Variants in GNB2 observed in about 807,000 individuals in gnomAD.
GNB2 encodes guanine nucleotide-binding protein G(I)/G(S)/G(T) subunit beta-2.
A neutral mutation model predicts 40.7 loss-of-function variants in GNB2; 7 were observed. The ratio of observed to expected loss-of-function variants is 0.17; its 90% CI spans 0.10 to 0.32. The LOEUF (loss-of-function observed/expected upper bound fraction) is 0.32, where lower values mean the gene tolerates loss of function less well. GNB2 is among the 10% of genes least tolerant of loss of function. The pLI is 1.00. For synonymous variants in GNB2, 254 were observed against 191.2 expected, an observed-to-expected ratio of 1.33 and a Z score of -2.71; for missense variants, 286 against 473.0, an observed-to-expected ratio of 0.60 and a Z score of 3.67.
intron 4 of GNB2, 99 bp from the exon 5 acceptor site, chr7:100,677,253 C>A: frequency 1.1e-6 from 1 of 920,334 alleles, no homozygotes; most frequent in Non-Finnish European, 1.8e-6. Context: ...CTCCAGCCTG[C>A]ACAACAGAGA....
Position 100,678,817 on chromosome 7 carries a change from T to C in GNB2, c.*16T>C, listed in dbSNP as rs1313865051. ...CTGGAACTAATGGCCCCACCCCCACTGGGCCCAGGCCAGGAGGGGCCCTGC... is the reference window on the plus strand; with the variant it reads ...CTGGAACTAATGGCCCCACCCCCACCGGGCCCAGGCCAGGAGGGGCCCTGC... On this transcript the variant is annotated 3_prime_UTR_variant, in exon 10 of 10. Transcript: ENST00000303210. 3 of 1,574,802 alleles carry C rather than the reference T, an allele frequency of 1.9e-6. No individual in the cohort carries two copies. Among genetic ancestry groups the C allele is most frequent in the African/African-American group, 1.3e-5 (1 of 74,252 alleles).
At chr7:100,676,967 G>C in intron 4 of GNB2, 168 bp downstream of exon 4, 1 of 603,390 alleles carries the variant, frequency 1.7e-6, no homozygotes, top group Admixed American at 3.0e-5. Flanking sequence ...GACCATGCTG[G>C]TGAGAACTTG....
chr7:100,678,667 T>C (rs771306949), intron 9 of GNB2, 28 bp from the exon 10 acceptor site: 3 of 1,609,492 alleles, frequency 1.9e-6, no homozygotes, highest in Non-Finnish European at 2.6e-6. Flanking sequence ...CCAGGCCCAA[T>C]GGGTTCTGAC....
Position 100,678,938 on chromosome 7 carries a change from G to C in GNB2, c.*137G>C. ...CTTGGGTCCCTGCCCTCCCACCCAGGTTTGGTTCCTCCCGGGGCCCCCACT... is the reference window on the plus strand; with the variant it reads ...CTTGGGTCCCTGCCCTCCCACCCAGCTTTGGTTCCTCCCGGGGCCCCCACT... On this transcript the variant is annotated 3_prime_UTR_variant, in exon 10 of 10. Coordinates refer to ENST00000303210, the MANE Select transcript of GNB2 (RefSeq NM_005273.4). The C allele has an allele frequency of 1.5e-6, 1 of 670,884 alleles. No individual in the cohort carries two copies. Among genetic ancestry groups the C allele is most frequent in the Non-Finnish European group, 2.6e-6 (1 of 388,246 alleles). 41.6% of individuals were successfully genotyped at this position (670,884 alleles called of 1,614,324 possible).
At chr7:100,677,915 C>CCACCAGGAGAGGGAGGCTACGG in intron 7 of GNB2, 97 bp downstream of exon 7, 1 of 1,163,610 alleles carries the variant, frequency 8.6e-7, no homozygotes, top group Non-Finnish European at 1.3e-6. Flanking sequence ...GCACCGTAGC[C>CCACCAGGAGAGGGAGGCTACGG]TCCCTCTCCT....
At chr7:100,678,658 C>T (rs200568621) in intron 9 of GNB2, 37 bp from the exon 10 acceptor site, 47 of 1,608,260 alleles carry the variant, frequency 2.9e-5, no homozygotes, top group Middle Eastern at 1.6e-4. Flanking sequence ...ACCTGGAGCC[C>T]AGGCCCAATG....
chr7:100,676,809 T>TGC lies in GNB2; in HGVS notation c.203+11_203+12insCG. ...GGGGGACCGACTCAAGGTGTGTGTG[T>TGC]GTGCGCGGGCTGGCGCTGTGGGCCG... On this transcript the variant is annotated intron_variant, in intron 4 of 9. Transcript: ENST00000303210. The TGC allele has an allele frequency of 6.6e-7, 1 of 1,515,324 alleles. No individual in the cohort carries two copies. Among genetic ancestry groups the TGC allele is most frequent in the Non-Finnish European group, 9.0e-7 (1 of 1,111,400 alleles). The allele number at this position is 1,515,324 out of a possible 1,614,324, so 93.9% of individuals were successfully genotyped here.
chr7:100,674,742 G>A (rs982548859), intron 1 of GNB2, among the ~76,000 whole-genome samples: 2 of 152,176 alleles, frequency 1.3e-5, no homozygotes, highest in African/African-American at 2.4e-5. Context: ...GGGCCCTGGG[G>A]GGTGATGGGG....
intron 1 of GNB2, 109 bp from the exon 2 acceptor site, chr7:100,676,068 C>T (rs1171452354): frequency 2.0e-6 from 1 of 502,366 alleles, no homozygotes; most frequent in South Asian, 3.0e-5. Context: ...GCGGCCGCGC[C>T]GCCCCTTCCC....
At chr7:100,676,611 G>A in intron 3 of GNB2, 38 bp downstream of exon 3, 3 of 1,584,560 alleles carry the variant, frequency 1.9e-6, no homozygotes, top group Non-Finnish European at 2.6e-6. Context: ...ACTAGGGGTT[G>A]AAGGGGCAAG....
chr7:100,676,769 T>C lies in GNB2; in HGVS notation c.173T>C (p.Ile58Thr). ...ACCCTCCGTGGGCACCTGGCAAAGA[T>C]CTATGCCATGCACTGGGGGACCGAC... ...RRTLRGHLAK[I>T]YAMHWGTDSR... Residue 58 changes from isoleucine to threonine, a missense_variant, in exon 4 of 10, where the codon ATC (isoleucine) becomes ACC (threonine). Coordinates refer to ENST00000303210, the MANE Select transcript of GNB2 (RefSeq NM_005273.4). 6.3e-7 allele frequency: 1 copy of C among 1,597,380 alleles called. No homozygotes were observed. Among genetic ancestry groups the C allele is most frequent in the Non-Finnish European group, 8.5e-7 (1 of 1,172,082 alleles).
chr7:100,677,223 G>A, intron 4 of GNB2, 129 bp from the exon 5 acceptor site: 2 of 701,608 alleles, frequency 2.9e-6, no homozygotes, highest in Non-Finnish European at 5.1e-6. Flanking sequence ...GCTGCAGTGA[G>A]CTGTGATGGT....
chr7:100,679,031 T>C lies in GNB2; in HGVS notation c.*230T>C. 1.9e-6 allele frequency: 1 copy of C among 534,856 alleles called. No homozygotes were observed. Among genetic ancestry groups the C allele is most frequent in the East Asian group, 2.9e-5 (1 of 33,994 alleles). The allele number at this position is 534,856 out of a possible 1,614,324, so 33.1% of individuals were successfully genotyped here. On this transcript the variant is annotated 3_prime_UTR_variant, in exon 10 of 10. Transcript: ENST00000303210. ...GGAGGCCCTCATCCTTCTGCTGCCC[T>C]GGGGTTGGGGCCTCACCCCTCTGGA...
At chr7:100,674,392 C>T (rs1804306348) in intron 1 of GNB2, among the ~76,000 whole-genome samples, 1 of 152,204 alleles carries the variant, frequency 6.6e-6, no homozygotes, top group South Asian at 2.1e-4. Context: ...CTTTCGTCTC[C>T]ACCCTACCCA....
chr7:100,675,500 C>T (rs1441372765), intron 1 of GNB2: 1 of 151,886 alleles, frequency 6.6e-6, no homozygotes, highest in Non-Finnish European at 1.5e-5. Flanking sequence ...TGTAAACAGC[C>T]ACCCGGGCCG....
chr7:100,677,748 C>T lies in GNB2; in HGVS notation c.431-4C>T. The T allele has an allele frequency of 6.2e-7, 1 of 1,613,796 alleles. No homozygotes were observed. Among genetic ancestry groups the T allele is most frequent in the Non-Finnish European group, 8.5e-7 (1 of 1,179,960 alleles). On this transcript the variant is annotated splice_polypyrimidine_tract_variant and splice_region_variant and intron_variant, in intron 6 of 9. Transcript: ENST00000303210. ...GAGACCTGGCTGACCAGCTCCTTCCCCAGGGTACCTGTCGTGTTGCCGCTT... is the reference window on the plus strand; with the variant it reads ...GAGACCTGGCTGACCAGCTCCTTCCTCAGGGTACCTGTCGTGTTGCCGCTT...
chr7:100,677,572 T>TG lies in GNB2; in HGVS notation c.348dup (p.Leu117ValfsTer38). 1 of 1,613,250 alleles carries TG rather than the reference T, an allele frequency of 6.2e-7. No individual in the cohort carries two copies. On this transcript the variant is annotated frameshift_variant, in exon 6 of 10. Coordinates refer to ENST00000303210, the MANE Select transcript of GNB2 (RefSeq NM_005273.4). LOFTEE classifies it high-confidence loss of function. ...CGCCCTCAGGGAACTTTGTGGCCTG[T>TG]GGGGGGTTGGACAACATCTGCTCCA...
intron 7 of GNB2, 41 bp from the exon 8 acceptor site, chr7:100,678,057 C>T (rs1465341978): frequency 1.6e-5 from 24 of 1,506,028 alleles, no homozygotes; most frequent in Non-Finnish European, 2.1e-5. Context: ...CTGTTCTTCG[C>T]CCTGTCTCTT....
chr7:100,678,720 C>T lies in GNB2; in HGVS notation c.942C>T (p.Arg314=), dbSNP rs565056544. The change falls in exon 10 of 10, where the codon CGC becomes CGT. Residue 314 remains arginine (R), a synonymous_variant. Transcript: ENST00000303210. ...GAGTCCTCGCTGGCCACGACAACCGCGTGAGCTGCCTCGGGGTCACCGACG... is the reference window on the plus strand; with the variant it reads ...GAGTCCTCGCTGGCCACGACAACCGTGTGAGCTGCCTCGGGGTCACCGACG... ...RAGVLAGHDN[R]VSCLGVTDDG... is the part of the protein sequence containing the mutation. 27 of 1,613,718 alleles carry T rather than the reference C, an allele frequency of 1.7e-5. No individual in the cohort carries two copies. Among genetic ancestry groups the T allele is most frequent in the African/African-American group, 4.0e-5 (3 of 75,074 alleles).
Sources: gnomAD v4.1 joint callset for allele counts (sites outside exome capture counted in the v4.1 genomes callset) on GRCh38, gnomAD v4.1.1 for gene constraint, MANE v1.5 for transcripts, NCBI Gene and HGNC (gene_info 2026-07-23, HGNC 2026-07-21) for gene names.